The following LRRTM4 variants were observed in gnomAD, a reference collection of about 807,000 sequenced individuals.
LRRTM4 encodes leucine rich repeat transmembrane neuronal 4, also known as leucine-rich repeat transmembrane neuronal protein 4.
LRRTM4 carries 25 observed loss-of-function variants against 47.6 expected under a neutral mutation model. That is an observed-to-expected ratio of 0.53 (90% CI 0.38 to 0.73). The LOEUF (loss-of-function observed/expected upper bound fraction) is 0.73, where lower values mean the gene tolerates loss of function less well. Ranked by LOEUF, LRRTM4 falls within the 30% of genes least tolerant of loss-of-function variation. The probability of loss-of-function intolerance (pLI) is 0.00; values close to 1 mark genes in which losing one functional copy is unlikely to be tolerated. For missense variants in LRRTM4, 638 were observed against 713.4 expected, an observed-to-expected ratio of 0.89 and a Z score of 1.20; for synonymous variants, 311 against 269.5, an observed-to-expected ratio of 1.15 and a Z score of -1.51.
intron 3 of LRRTM4, among the ~76,000 whole-genome samples, chr2:76,924,815 C>A (rs1674538672): frequency 6.6e-6 from 1 of 151,982 alleles, no homozygotes; most frequent in Admixed American, 6.6e-5. Context: ...TGCCTTAGTT[C>A]ACCACATGTG....
intron 3 of LRRTM4, among the ~76,000 whole-genome samples, chr2:77,110,333 A>G (rs1266754047): frequency 6.6e-6 from 1 of 152,150 alleles, no homozygotes; most frequent in Non-Finnish European, 1.5e-5. Flanking sequence ...GAACCAAATA[A>G]AATACAATAA....
chr2:77,385,899 C>T (rs1404760611), intron 3 of LRRTM4, among the ~76,000 whole-genome samples: 3 of 151,420 alleles, frequency 2.0e-5, no homozygotes, highest in African/African-American at 4.8e-5. Context: ...AGGTGCCTGC[C>T]ACCACTCCTG....
chr2:76,911,187 A>G (rs779350385), intron 3 of LRRTM4, among the ~76,000 whole-genome samples: 1 of 152,222 alleles, frequency 6.6e-6, no homozygotes, highest in African/African-American at 2.4e-5. Flanking sequence ...TCAGGCAGGT[A>G]CCGAGTTTGA....
intron 3 of LRRTM4, among the ~76,000 whole-genome samples, chr2:76,985,497 A>G (rs1676763442): frequency 6.6e-6 from 1 of 152,016 alleles, no homozygotes; most frequent in South Asian, 2.1e-4. Flanking sequence ...CAGTATGGCA[A>G]ACAAGGGTCA....
At chr2:76,963,703 G>T (rs941301207) in intron 3 of LRRTM4, among the ~76,000 whole-genome samples, 1 of 150,648 alleles carries the variant, frequency 6.6e-6, no homozygotes, top group Non-Finnish European at 1.5e-5. Context: ...CCATATTTCA[G>T]ACATATTACA....
chr2:76,926,487 G>A (rs142276127), intron 3 of LRRTM4, among the ~76,000 whole-genome samples: 1 of 152,196 alleles, frequency 6.6e-6, no homozygotes, highest in African/African-American at 2.4e-5. Flanking sequence ...TAAATGCTAT[G>A]GATTGAATGT....
At chr2:77,019,924 G>A (rs2104099549) in intron 3 of LRRTM4, among the ~76,000 whole-genome samples, 1 of 152,162 alleles carries the variant, frequency 6.6e-6, no homozygotes, top group African/African-American at 2.4e-5. Flanking sequence ...AATGTTAGTG[G>A]AGGCTCGAAA....
intron 3 of LRRTM4, among the ~76,000 whole-genome samples, chr2:77,439,154 A>C (rs1024702692): frequency 6.6e-6 from 1 of 152,194 alleles, no homozygotes; most frequent in Non-Finnish European, 1.5e-5. Context: ...TACCCTTTCA[A>C]GCCTAAGATT....
intron 3 of LRRTM4, among the ~76,000 whole-genome samples, chr2:77,350,258 G>A (rs1233480286): frequency 6.8e-5 from 10 of 146,446 alleles, no homozygotes; most frequent in South Asian, 6.5e-4. Flanking sequence ...CCCGGGAAGC[G>A]GAGCTTGCAG....
chr2:76,784,315 G>A (rs1439890557), intron 3 of LRRTM4, among the ~76,000 whole-genome samples: 3 of 151,970 alleles, frequency 2.0e-5, no homozygotes, highest in Admixed American at 6.6e-5. Context: ...TTATGGAAAA[G>A]CATGCTTAAT....
chr2:76,841,489 A>G (rs1267329323), intron 3 of LRRTM4, among the ~76,000 whole-genome samples: 2 of 152,034 alleles, frequency 1.3e-5, no homozygotes, highest in Non-Finnish European at 2.9e-5. Context: ...GTCACTTTCA[A>G]TTTACTGTCT....
At position 77,344,552 on chromosome 2, in the gene LRRTM4, T is replaced by G. The variant is rs547472923; in HGVS notation, c.1551+173766A>C. ...ATGAACATATCAAGCCTTACGAACC[T>G]TTAGGTCAATACCAAAAGTTTAACA... On this transcript the variant is annotated intron_variant, in intron 3 of 3. Coordinates refer to ENST00000409884, the MANE Select transcript of LRRTM4 (RefSeq NM_001134745.3). 4.0e-5 allele frequency among the ~76,000 whole-genome samples: 6 copies of G among 151,702 alleles called. No homozygotes were observed. In the South Asian group the frequency reaches 8.3e-4, roughly 21 times the overall value.
intron 3 of LRRTM4, among the ~76,000 whole-genome samples, chr2:77,514,342 T>C (rs943389369): frequency 5.2e-4 from 79 of 152,180 alleles, no homozygotes; most frequent in African/African-American, 1.9e-3. Context: ...AGAATATCAA[T>C]ATCTAAAGTG....
chr2:76,913,543 A>ATTTTTTTTTTTTTTT (rs58615415), intron 3 of LRRTM4, among the ~76,000 whole-genome samples: 13,297 of 117,950 alleles, frequency 0.11, 1,344 homozygotes, highest in East Asian at 0.17. Context: ...TCCTATTTCA[A>ATTTTTTTTTTTTTTT]TTTTTTTTTT....
chr2:76,978,945 C>T (rs182060066), intron 3 of LRRTM4, among the ~76,000 whole-genome samples: 16 of 151,944 alleles, frequency 1.1e-4, no homozygotes, highest in East Asian at 7.8e-4. Context: ...TAATATATGA[C>T]GCCAGGAGAC....
At chr2:77,061,316 C>G (rs1335839225) in intron 3 of LRRTM4, among the ~76,000 whole-genome samples, 1 of 152,016 alleles carries the variant, frequency 6.6e-6, no homozygotes. Context: ...AATTTTAAGT[C>G]TAGGGTTTTA....
intron 3 of LRRTM4, among the ~76,000 whole-genome samples, chr2:77,000,981 T>C (rs763435452): frequency 6.6e-6 from 1 of 152,086 alleles, no homozygotes; most frequent in Non-Finnish European, 1.5e-5. Flanking sequence ...GGAGAACGAT[T>C]TGAGACATTT....
intron 3 of LRRTM4, among the ~76,000 whole-genome samples, chr2:76,968,727 G>C (rs1459101905): frequency 6.6e-6 from 1 of 151,604 alleles, no homozygotes; most frequent in African/African-American, 2.4e-5. Context: ...TCTCCGGTAA[G>C]GATCCTTACT....
chr2:77,346,227 G>A (rs963545961), intron 3 of LRRTM4, among the ~76,000 whole-genome samples: 13 of 151,944 alleles, frequency 8.6e-5, no homozygotes, highest in Non-Finnish European at 1.5e-4. Flanking sequence ...TAATAGGCAT[G>A]GGGCAGAGTT....
Sources: allele counts gnomAD v4.1 joint callset (sites outside exome capture counted in the v4.1 genomes callset), GRCh38; gene constraint gnomAD v4.1.1; transcripts MANE v1.5; gene names NCBI Gene and HGNC (gene_info 2026-07-23, HGNC 2026-07-21).